LIAS: variants seen among roughly 807,000 people sequenced by gnomAD.
The protein encoded by LIAS is lipoic acid synthetase.
In LIAS, 36 loss-of-function variants were observed where a neutral mutation model predicts 49.4. That is an observed-to-expected ratio of 0.73 (90% CI 0.56 to 0.96). The LOEUF is 0.96. LIAS is among the 40% of genes least tolerant of loss of function. The pLI is 0.00. For synonymous variants in LIAS, 145 were observed against 155.8 expected, an observed-to-expected ratio of 0.93 and a Z score of 0.52; for missense variants, 399 against 456.3, an observed-to-expected ratio of 0.87 and a Z score of 1.14.
intron 10 of LIAS, 106 bp from the exon 11 acceptor site, chr4:39,476,957 A>G (rs1395592040): frequency 1.4e-6 from 1 of 722,646 alleles, no homozygotes; most frequent in Non-Finnish European, 2.3e-6. Flanking sequence ...AATAAATACA[A>G]AAGTCTTCTT....
rs1745296224 is a variant in LIAS at position 39,478,827 on chromosome 4, CACTTTTAGGTGGCCATGTT to C, written c.*1713_*1731del. ...TACTTTTTCTGCATATCTAAAAGGA[CACTTTTAGGTGGCCATGTT>C]GTAAAATATGTAAAGTGGATAGCCA... is the stretch of plus-strand genomic sequence containing the variant. On this transcript the variant is annotated 3_prime_UTR_variant, in exon 11 of 11. Transcript: ENST00000640888. 1 of 152,212 alleles carries C rather than the reference CACTTTTAGGTGGCCATGTT, an allele frequency of 6.6e-6. No individual in the cohort carries two copies. The highest frequency in any genetic ancestry group is 1.5e-5 in the Non-Finnish European group (1 of 68,038). The allele number at this position is 152,212 out of a possible 1,614,324, so 9.4% of individuals were successfully genotyped here.
intron 6 of LIAS, 80 bp from the exon 7 acceptor site, chr4:39,467,438 G>T (rs1744801987): frequency 5.1e-6 from 7 of 1,373,416 alleles, no homozygotes; most frequent in Non-Finnish European, 6.8e-6. Context: ...CATACTGAAC[G>T]ATTACTGATA....
At chr4:39,461,535 C>T (rs1312816131) in intron 2 of LIAS, among the ~76,000 whole-genome samples, 1 of 152,166 alleles carries the variant, frequency 6.6e-6, no homozygotes, top group Non-Finnish European at 1.5e-5. Context: ...TGTGATCTTT[C>T]CTCAGTCTAA....
chr4:39,465,656 T>G (rs1288911471), intron 6 of LIAS, among the ~76,000 whole-genome samples: 1 of 140,636 alleles, frequency 7.1e-6, no homozygotes, highest in Non-Finnish European at 1.5e-5. Context: ...AAACCTGGTC[T>G]TCTTAGTAAT....
At chr4:39,471,637 A>T (rs1332326448) in intron 9 of LIAS, among the ~76,000 whole-genome samples, 4 of 135,274 alleles carry the variant, frequency 3.0e-5, no homozygotes, top group Admixed American at 1.8e-4. Flanking sequence ...AATGATTTTC[A>T]TGCTTCAGCC....
At chr4:39,463,926 C>G (rs535940181) in intron 4 of LIAS, 1 of 233,672 alleles carries the variant, frequency 4.3e-6, no homozygotes, top group Non-Finnish European at 8.1e-6. Flanking sequence ...ACATATTCAA[C>G]AAGAAGGAGC....
At chr4:39,472,804 T>G (rs1745044144) in intron 9 of LIAS, among the ~76,000 whole-genome samples, 1 of 152,154 alleles carries the variant, frequency 6.6e-6, no homozygotes, top group Non-Finnish European at 1.5e-5. Flanking sequence ...GAAGGAAAAA[T>G]ATAGATAAAT....
Position 39,478,626 on chromosome 4 carries a change from G to C in LIAS, c.*1511G>C, listed in dbSNP as rs2109896431. On this transcript the variant is annotated 3_prime_UTR_variant, in exon 11 of 11. Coordinates refer to ENST00000640888, the MANE Select transcript of LIAS (RefSeq NM_006859.4). ...AGGCCATAATGCTGCCTAAGACATG[G>C]AAATAGAACCTAGAAATATTAACCC... 2 of 152,332 alleles carry C rather than the reference G, an allele frequency of 1.3e-5. No homozygotes were observed. The highest frequency in any genetic ancestry group is 1.3e-4 in the Admixed American group (2 of 15,300). The allele number at this position is 152,332 out of a possible 1,614,324, so 9.4% of individuals were successfully genotyped here. A position where few individuals can be genotyped will look rare whatever the true frequency, so the allele number is the denominator to read the frequency against.
intron 6 of LIAS, chr4:39,467,031 C>T (rs1446542224): frequency 1.3e-5 from 2 of 152,044 alleles, no homozygotes; most frequent in African/African-American, 2.4e-5. Flanking sequence ...TTTTAAAACC[C>T]GTAGCACTTG....
At chr4:39,469,282 A>T (rs1046380744) in intron 7 of LIAS, 1 of 152,352 alleles carries the variant, frequency 6.6e-6, no homozygotes, top group Admixed American at 6.5e-5. Context: ...GTTACTTTTA[A>T]GTTCATAAAT....
chr4:39,473,491 A>T (rs777970316), intron 10 of LIAS: 2 of 250,860 alleles, frequency 8.0e-6, no homozygotes, highest in Non-Finnish European at 1.5e-5. Flanking sequence ...AATTTTTTCT[A>T]TGTGTAGATT....
intron 4 of LIAS, among the ~76,000 whole-genome samples, chr4:39,464,691 G>A (rs1389008164): frequency 2.0e-5 from 3 of 152,054 alleles, no homozygotes; most frequent in East Asian, 3.9e-4. Flanking sequence ...TCACCGTGTT[G>A]CCCATGCTGG....
intron 6 of LIAS, 48 bp downstream of exon 6, chr4:39,465,390 ATGAGT>A: frequency 1.3e-6 from 2 of 1,522,496 alleles, no homozygotes; most frequent in Non-Finnish European, 1.8e-6. Flanking sequence ...TTGGACCCAT[ATGAGT>A]TAAGTTTAAG....
chr4:39,462,215 C>T lies in LIAS; in HGVS notation c.238C>T (p.Leu80=). The T allele has an allele frequency of 6.4e-7, 1 of 1,554,786 alleles. No homozygotes were observed. Among genetic ancestry groups the T allele is most frequent in the Non-Finnish European group, 8.7e-7 (1 of 1,152,590 alleles). Reference sequence around the variant, plus strand: ...CCTTAGGTTAAGACTACCTCCATGGCTAAAGACAGAGATTCCCATGGGGAA... The same window carrying T: ...CCTTAGGTTAAGACTACCTCCATGGTTAAAGACAGAGATTCCCATGGGGAA... ...KGERLRLPPW[L]KTEIPMGKNY... Residue 80 remains leucine (L), a synonymous_variant, in exon 3 of 11, where the codon CTA becomes TTA. Coordinates refer to ENST00000640888, the MANE Select transcript of LIAS (RefSeq NM_006859.4).
chr4:39,468,554 A>T (rs1175658527), intron 7 of LIAS: 1 of 144,328 alleles, frequency 6.9e-6, no homozygotes, highest in Non-Finnish European at 1.5e-5. Context: ...ATATATATTT[A>T]TATATATATA....
At chr4:39,466,846 A>G (rs1183888820) in intron 6 of LIAS, 3 of 152,242 alleles carry the variant, frequency 2.0e-5, no homozygotes, top group Non-Finnish European at 4.4e-5. Context: ...GGTTTGTGAA[A>G]AAATGTGTCA....
intron 2 of LIAS, 106 bp downstream of exon 2, chr4:39,461,068 T>A (rs1324429030): frequency 5.4e-6 from 5 of 924,668 alleles, no homozygotes; most frequent in Non-Finnish European, 6.3e-6. Context: ...ACTTGTTAAA[T>A]TTAGCTAAAA....
At chr4:39,470,462 C>T (rs2109883528) in intron 8 of LIAS, 1 of 259,300 alleles carries the variant, frequency 3.9e-6, no homozygotes, top group Non-Finnish European at 7.6e-6. Flanking sequence ...TGATTTCATC[C>T]ACTTTTCTCA....
intron 6 of LIAS, 22 bp from the exon 7 acceptor site, chr4:39,467,496 T>C (rs767515540): frequency 5.8e-6 from 9 of 1,558,592 alleles, no homozygotes; most frequent in South Asian, 2.4e-5. Context: ...CTCTGTTTGA[T>C]AATTCTCTCT....
Sources: gnomAD v4.1 joint callset for allele counts (sites outside exome capture counted in the v4.1 genomes callset) on GRCh38, gnomAD v4.1.1 for gene constraint, MANE v1.5 for transcripts, NCBI Gene and HGNC (gene_info 2026-07-23, HGNC 2026-07-21) for gene names.